DCLRE1C: variants seen among roughly 807,000 people sequenced by gnomAD.
DCLRE1C encodes the protein protein artemis.
A neutral mutation model predicts 61.4 loss-of-function variants in DCLRE1C; 47 were observed. That is an observed-to-expected ratio of 0.77 (90% CI 0.61 to 0.98). The LOEUF (loss-of-function observed/expected upper bound fraction) is 0.98, where lower values mean the gene tolerates loss of function less well. DCLRE1C is among the 50% of genes least tolerant of loss of function. The pLI is 0.00. For synonymous variants in DCLRE1C, 337 were observed against 287.6 expected (o/e 1.17, Z -1.74); for missense variants, 858 against 816.0 (o/e 1.05, Z -0.63).
rs755447150 is a variant in DCLRE1C, at chr10:14,909,220, C to CTGATACTG, written c.1259_1266dup (p.Glu423GlnfsTer10). ...TGTCTCAGTTTTTCAGGCTGCTTTT[C>CTGATACTG]TGATACTGCAGTCATTGAAAATACC... is the stretch of plus-strand genomic sequence containing the variant. On this transcript the variant is annotated frameshift_variant, in exon 14 of 14. Coordinates refer to ENST00000378278, the MANE Select transcript of DCLRE1C (RefSeq NM_001033855.3). LOFTEE classifies it low-confidence loss of function (END_TRUNC). The CTGATACTG allele has an allele frequency of 6.2e-7, 1 of 1,614,100 alleles. No individual in the cohort carries two copies. The highest frequency in any genetic ancestry group is 2.2e-5 in the East Asian group (1 of 44,876).
At chr10:14,946,076 C>T (rs1466483230) in intron 2 of DCLRE1C, among the ~76,000 whole-genome samples, 5 of 150,158 alleles carry the variant, frequency 3.3e-5, no homozygotes, top group African/African-American at 7.4e-5. Context: ...GGCGCGATCT[C>T]GGCTCAAAGC....
chr10:14,948,576 T>C (rs1018030811), intron 2 of DCLRE1C, among the ~76,000 whole-genome samples: 1 of 151,936 alleles, frequency 6.6e-6, no homozygotes, highest in African/African-American at 2.4e-5. Flanking sequence ...AAAACAAATA[T>C]AAAAGGGTAT....
At chr10:14,898,984 A>C in exon 14 of DCLRE1C, 1 of 487,070 alleles carries the variant, frequency 2.1e-6, no homozygotes, top group Non-Finnish European at 3.6e-6. Context: ...TGAACATCCT[A>C]ATTATAATGA....
intron 5 of DCLRE1C, 138 bp downstream of exon 5, chr10:14,936,400 A>T: frequency 3.3e-6 from 2 of 601,082 alleles, no homozygotes; most frequent in Non-Finnish European, 6.0e-6. Context: ...CTCCCGCGTC[A>T]GCCTCCCAAA....
At chr10:14,932,830 G>T in intron 9 of DCLRE1C, 24 bp downstream of exon 9, 1 of 1,611,080 alleles carries the variant, frequency 6.2e-7, no homozygotes, top group East Asian at 2.2e-5. Flanking sequence ...CAAACAATAC[G>T]AGAGGAATCA....
chr10:14,898,348 C>T (rs1169621973), exon 14 of DCLRE1C: 1 of 151,284 alleles, frequency 6.6e-6, no homozygotes, highest in Non-Finnish European at 1.5e-5. Context: ...TAGTCTTCAC[C>T]ATGGCACCAC....
chr10:14,919,015 T>A (rs1377122304), intron 13 of DCLRE1C, among the ~76,000 whole-genome samples: 1 of 152,142 alleles, frequency 6.6e-6, no homozygotes, highest in Middle Eastern at 3.2e-3. Flanking sequence ...CTATAACATA[T>A]GTAAGGGACC....
At chr10:14,909,705 A>C (rs761039319) in intron 13 of DCLRE1C, among the ~76,000 whole-genome samples, 6 of 152,146 alleles carry the variant, frequency 3.9e-5, no homozygotes, top group Non-Finnish European at 7.4e-5. Context: ...TCTACAGCTG[A>C]TATCTGTTCA....
chr10:14,929,000 G>C (rs927334538), intron 9 of DCLRE1C, among the ~76,000 whole-genome samples: 1 of 151,968 alleles, frequency 6.6e-6, no homozygotes, highest in Non-Finnish European at 1.5e-5. Context: ...GGCTGGTCTC[G>C]AACTCCTGAC....
At chr10:14,902,394 C>G, downstream of DCLRE1C, 1 of 1,559,848 alleles carries the variant, frequency 6.4e-7, no homozygotes, top group Non-Finnish European at 8.7e-7. Flanking sequence ...ATTTCTTTTT[C>G]TGTGTCTTCA....
chr10:14,931,519 T>C (rs555933125), intron 9 of DCLRE1C, among the ~76,000 whole-genome samples: 26 of 150,910 alleles, frequency 1.7e-4, no homozygotes, highest in African/African-American at 2.4e-4. Flanking sequence ...GATGGCACCA[T>C]TGCACTCCAG....
At chr10:14,951,317 G>C (rs1447344584) in intron 1 of DCLRE1C, among the ~76,000 whole-genome samples, 1 of 144,256 alleles carries the variant, frequency 6.9e-6, no homozygotes, top group African/African-American at 2.6e-5. Context: ...TTGAGTCCAG[G>C]AGGTGAAGGC....
intron 8 of DCLRE1C, 61 bp from the exon 9 acceptor site, chr10:14,933,016 G>C (rs1335375818): frequency 3.8e-6 from 6 of 1,582,028 alleles, no homozygotes; most frequent in Non-Finnish European, 3.5e-6. Flanking sequence ...AATTGTTCAA[G>C]GTTAATTACT....
In DCLRE1C at chr10:14,924,061, T is replaced by C. The variant is rs142246869; in HGVS notation, c.973-992A>G. The stretch of plus-strand genomic sequence containing the variant: ...ACAGCTGGGGTGTGCCTAAGGGCCA[T>C]TGACACACAGGCTTAAGTAGAACAA... On this transcript the variant is annotated intron_variant, in intron 11 of 13. Transcript: ENST00000378278. Among the ~76,000 whole-genome samples, 957 of 152,344 alleles carry C rather than the reference T, an allele frequency of 6.3e-3. 8 individuals carry two copies. Among genetic ancestry groups the C allele is most frequent in the African/African-American group, 0.022 (901 of 41,572 alleles).
At position 14,905,712 on chromosome 10, in the gene DCLRE1C, C is replaced by T. The variant is rs1834335622; in HGVS notation, c.*2696G>A. Among the ~76,000 whole-genome samples the T allele has an allele frequency of 6.6e-6, 1 of 152,188 alleles. No individual in the cohort carries two copies. Among genetic ancestry groups the T allele is most frequent in the Non-Finnish European group, 1.5e-5 (1 of 68,032 alleles). On this transcript the variant is annotated 3_prime_UTR_variant, in exon 14 of 14. Coordinates refer to ENST00000378278, the MANE Select transcript of DCLRE1C (RefSeq NM_001033855.3). ...TGAAACTTCATGTTTCGGCTGGACACGGTAGCTGACGCCTGTAATCCCAGC... is the reference window on the plus strand; with the variant it reads ...TGAAACTTCATGTTTCGGCTGGACATGGTAGCTGACGCCTGTAATCCCAGC...
rs561724662 is a variant in DCLRE1C at position 14,925,097 on chromosome 10, A to T, written c.972+1746T>A. ...TCTATTCTTTAAATAGTTTTCACAA[A>T]CAGTATCTTTTGTACCTTCACAGGA... is the stretch of plus-strand genomic sequence containing the variant. On this transcript the variant is annotated intron_variant, in intron 11 of 13. Coordinates refer to ENST00000378278, the MANE Select transcript of DCLRE1C (RefSeq NM_001033855.3). Among the ~76,000 whole-genome samples the T allele has an allele frequency of 7.9e-5, 12 of 152,114 alleles. No homozygotes were observed. In the South Asian group the frequency reaches 2.5e-3, roughly 32 times the overall value.
At chr10:14,953,877 C>T (rs1589192733) in intron 1 of DCLRE1C, 25 bp downstream of exon 1, 1 of 1,613,180 alleles carries the variant, frequency 6.2e-7, no homozygotes, top group East Asian at 2.2e-5. Context: ...GCCCCGGGAG[C>T]GGGCGACGCG....
upstream of DCLRE1C, chr10:14,954,176 A>G: frequency 2.4e-6 from 3 of 1,236,308 alleles, no homozygotes; most frequent in Non-Finnish European, 3.4e-6. Flanking sequence ...AAAGTCAAGG[A>G]GCATCCGGTC....
chr10:14,922,328 C>A (rs924502329), intron 12 of DCLRE1C, among the ~76,000 whole-genome samples: 2 of 151,852 alleles, frequency 1.3e-5, no homozygotes, highest in Non-Finnish European at 2.9e-5. Context: ...GTAGTCACAG[C>A]TACTCGGGAG....
Sources: gnomAD v4.1 joint callset for allele counts (sites outside exome capture counted in the v4.1 genomes callset) on GRCh38, gnomAD v4.1.1 for gene constraint, MANE v1.5 for transcripts, NCBI Gene and HGNC (gene_info 2026-07-23, HGNC 2026-07-21) for gene names.